The following VPS37A variants were observed in gnomAD, a reference collection of about 807,000 sequenced individuals.
VPS37A encodes vacuolar protein sorting-associated protein 37A.
In VPS37A, 30 loss-of-function variants were observed where a neutral mutation model predicts 49.8. The ratio of observed to expected loss-of-function variants is 0.60; its 90% CI spans 0.45 to 0.82. The LOEUF (loss-of-function observed/expected upper bound fraction) is 0.82, where lower values mean the gene tolerates loss of function less well. VPS37A is among the 40% of genes least tolerant of loss of function. The probability of loss-of-function intolerance (pLI) is 0.00; values close to 1 mark genes in which losing one functional copy is unlikely to be tolerated. For synonymous variants in VPS37A, 195 were observed against 160.6 expected (o/e 1.21, Z -1.62); for missense variants, 593 against 464.4 (o/e 1.28, Z -2.55).
intron 6 of VPS37A, 44 bp downstream of exon 6, chr8:17,276,511 G>T: frequency 6.5e-7 from 1 of 1,548,138 alleles, no homozygotes; most frequent in African/African-American, 1.4e-5. Context: ...TATTTTATTT[G>T]TAAGCATAAA....
chr8:17,290,855 T>C (rs979264912), intron 11 of VPS37A, among the ~76,000 whole-genome samples: 7 of 152,164 alleles, frequency 4.6e-5, no homozygotes, highest in African/African-American at 1.7e-4. Flanking sequence ...TTTCAGAACT[T>C]GTTATTGGTC....
At chr8:17,313,156 C>T in the VPS37A span, 12 of 555,204 alleles carry the variant, frequency 2.2e-5, no homozygotes, top group Admixed American at 5.9e-5. Flanking sequence ...GCACAGACTA[C>T]GGAGCTCTAC....
At chr8:17,301,233 A>G (rs1373710649), downstream of VPS37A, among the ~76,000 whole-genome samples, 1 of 152,210 alleles carries the variant, frequency 6.6e-6, no homozygotes, top group African/African-American at 2.4e-5. Flanking sequence ...GAGCAGAGAG[A>G]GGCAGAGTTC....
intron 1 of VPS37A, among the ~76,000 whole-genome samples, chr8:17,253,885 AG>A (rs2150349375): frequency 6.6e-6 from 1 of 152,286 alleles, no homozygotes; most frequent in South Asian, 2.1e-4. Context: ...AGACAGCTAT[AG>A]TATGAAGGAT....
At chr8:17,260,092 C>T (rs1292524551) in intron 1 of VPS37A, among the ~76,000 whole-genome samples, 6 of 152,032 alleles carry the variant, frequency 3.9e-5, no homozygotes, top group Non-Finnish European at 8.8e-5. Context: ...AGGACTTCTT[C>T]CATTTTGTTG....
chr8:17,293,616 G>T (rs1816343453), intron 11 of VPS37A, among the ~76,000 whole-genome samples: 1 of 152,094 alleles, frequency 6.6e-6, no homozygotes, highest in Non-Finnish European at 1.5e-5. Flanking sequence ...GTTCTTTGTT[G>T]TTGGTGACCT....
intron 5 of VPS37A, among the ~76,000 whole-genome samples, chr8:17,275,775 C>T (rs567864973): frequency 4.3e-4 from 65 of 152,242 alleles, no homozygotes; most frequent in African/African-American, 1.5e-3. Context: ...AGTATGAAAC[C>T]ATAGTATATC....
chr8:17,258,925 T>C (rs541456227), intron 1 of VPS37A, among the ~76,000 whole-genome samples: 2 of 152,220 alleles, frequency 1.3e-5, no homozygotes, highest in South Asian at 4.1e-4. Context: ...CTAATGATTC[T>C]TTATAGTTCT....
chr8:17,253,979 G>A (rs920704308), intron 1 of VPS37A, among the ~76,000 whole-genome samples: 7 of 152,150 alleles, frequency 4.6e-5, no homozygotes, highest in African/African-American at 1.4e-4. Flanking sequence ...TATCAGTTGT[G>A]TAAGTATGTG....
At chr8:17,323,096 C>T in the VPS37A span, among the ~76,000 whole-genome samples, 6 of 151,656 alleles carry the variant, frequency 4.0e-5, no homozygotes, top group African/African-American at 1.5e-4. Context: ...TACAGGCATA[C>T]ACCACCACGC....
intron 11 of VPS37A, among the ~76,000 whole-genome samples, chr8:17,294,053 G>C (rs1425120896): frequency 1.3e-5 from 2 of 152,230 alleles, no homozygotes; most frequent in African/African-American, 4.8e-5. Flanking sequence ...TGCGCCCACA[G>C]CCACCCCTTC....
At chr8:17,290,607 G>A (rs980377533) in intron 11 of VPS37A, among the ~76,000 whole-genome samples, 1 of 152,154 alleles carries the variant, frequency 6.6e-6, no homozygotes, top group African/African-American at 2.4e-5. Flanking sequence ...TTTTCGCATT[G>A]ATGTTCATCA....
intron 2 of VPS37A, 65 bp downstream of exon 2, chr8:17,266,046 G>T: frequency 2.8e-6 from 4 of 1,413,404 alleles, no homozygotes; most frequent in Non-Finnish European, 3.9e-6. Context: ...TTGTTTCTTA[G>T]TTATTAGAAA....
intron 1 of VPS37A, among the ~76,000 whole-genome samples, chr8:17,262,995 A>G (rs1813099589): frequency 1.3e-5 from 2 of 150,852 alleles, no homozygotes; most frequent in South Asian, 4.2e-4. Flanking sequence ...CGGGAGGCAG[A>G]GGTTGCAGTG....
At chr8:17,331,216 T>C in the VPS37A span, 1 of 1,612,814 alleles carries the variant, frequency 6.2e-7, no homozygotes, top group African/African-American at 1.3e-5. Flanking sequence ...AACTGAAACT[T>C]GATATTGGAA....
chr8:17,305,724 A>G, downstream of VPS37A: 1 of 1,547,890 alleles, frequency 6.5e-7, no homozygotes, highest in Non-Finnish European at 8.8e-7. Flanking sequence ...TCTTTAAATA[A>G]AAGTTAAACA....
At chr8:17,300,353 T>G (rs1817035563), downstream of VPS37A, 2 of 1,064,082 alleles carry the variant, frequency 1.9e-6, no homozygotes, top group Admixed American at 2.9e-5. Flanking sequence ...CAGAGGGATG[T>G]GAGTTCAAAC....
intron 1 of VPS37A, among the ~76,000 whole-genome samples, chr8:17,249,137 A>T (rs1356847040): frequency 1.3e-5 from 2 of 152,106 alleles, no homozygotes; most frequent in Admixed American, 6.5e-5. Flanking sequence ...ATGCTGACTA[A>T]TTTTTTTCTT....
chr8:17,304,390 G>C, downstream of VPS37A: 3 of 1,612,662 alleles, frequency 1.9e-6, no homozygotes, highest in Non-Finnish European at 2.5e-6. Flanking sequence ...TGTACATGAA[G>C]TTACATGGTG....
Sources: allele counts gnomAD v4.1 joint callset (sites outside exome capture counted in the v4.1 genomes callset), GRCh38; gene constraint gnomAD v4.1.1; transcripts MANE v1.5; gene names NCBI Gene and HGNC (gene_info 2026-07-23, HGNC 2026-07-21).